KCNJ10: variants seen among roughly 807,000 people sequenced by gnomAD.
KCNJ10 encodes ATP-sensitive inward rectifier potassium channel 10.
KCNJ10 carries 9 observed loss-of-function variants against 22.2 expected under a neutral mutation model. The ratio of observed to expected loss-of-function variants is 0.40; its 90% confidence interval spans 0.24 to 0.71. KCNJ10 has a LOEUF of 0.71. KCNJ10 is among the 30% of genes least tolerant of loss of function. The pLI is 0.35. For synonymous variants in KCNJ10, 184 were observed against 187.3 expected (o/e 0.98, Z 0.15); for missense variants, 337 against 482.7 (o/e 0.70, Z 2.83).
chr1:160,052,753 C>T (rs1395709656), intron 1 of KCNJ10, among the ~76,000 whole-genome samples: 2 of 152,188 alleles, frequency 1.3e-5, no homozygotes, highest in African/African-American at 4.8e-5. Context: ...CTCAGTCAAG[C>T]CTCTCAGCCT....
In KCNJ10 at chr1:160,042,233, G is replaced by T. The variant is rs139069413; in HGVS notation, c.300C>A (p.Asp100Glu). 457 of 1,613,772 alleles carry T rather than the reference G, an allele frequency of 2.8e-4. No individual in the cohort carries two copies. The highest frequency in any genetic ancestry group is 3.6e-4 in the Non-Finnish European group (427 of 1,179,844). The stretch of plus-strand genomic sequence containing the variant: ...CACAGGGGGTGTGGTTGGCCGGGGG[G>T]TCCAGCTCCAGCAGGTCCCCATGTG... ...AVAHGDLLELDPPANHTPCVV... is the reference protein window; with the variant it reads ...AVAHGDLLELEPPANHTPCVV... The change falls in exon 2 of 2, where the codon GAC becomes GAA. Residue 100 changes from aspartate (D) to glutamate (E), a missense_variant. This residue lies in a region of KCNJ10 where 107 missense variants were observed against 135.2 expected (regional missense o/e 0.79). Coordinates refer to ENST00000644903, the MANE Select transcript of KCNJ10 (RefSeq NM_002241.5).
Position 160,041,113 on chromosome 1 carries a change from A to G in KCNJ10, c.*280T>C. The G allele has an allele frequency of 2.0e-6, 1 of 506,044 alleles. No individual in the cohort carries two copies. The highest frequency in any genetic ancestry group is 1.9e-5 in the African/African-American group (1 of 52,000). 31.3% of individuals were successfully genotyped at this position (506,044 alleles called of 1,614,324 possible). On this transcript the variant is annotated 3_prime_UTR_variant, in exon 2 of 2. Coordinates refer to ENST00000644903, the MANE Select transcript of KCNJ10 (RefSeq NM_002241.5). The surrounding 1 kb of genome is among the most constrained non-coding windows in gnomAD (Gnocchi z 4.4). ...TAATGTGAGTATCCAAGCATGGCTGAGGCCTTCTAAGCCACTTCAGCCTAA... is the reference window on the plus strand; with the variant it reads ...TAATGTGAGTATCCAAGCATGGCTGGGGCCTTCTAAGCCACTTCAGCCTAA...
intron 1 of KCNJ10, among the ~76,000 whole-genome samples, chr1:160,061,943 G>C (rs1262229457): frequency 6.6e-6 from 1 of 151,990 alleles, no homozygotes; most frequent in African/African-American, 2.4e-5. Context: ...TATGAGCCCC[G>C]GGGAGTCCTG....
chr1:160,069,598 T>C (rs974621657), intron 1 of KCNJ10, among the ~76,000 whole-genome samples: 18 of 152,140 alleles, frequency 1.2e-4, no homozygotes. Flanking sequence ...CACTATGTGA[T>C]TGTCACTGTA....
At chr1:160,053,604 G>A (rs1648954704) in intron 1 of KCNJ10, among the ~76,000 whole-genome samples, 1 of 50,414 alleles carries the variant, frequency 2.0e-5, no homozygotes, top group Non-Finnish European at 3.8e-5. Flanking sequence ...GGAAAAAGAG[G>A]GCAGTGTGTG....
chr1:160,049,118 G>A (rs1399620696), intron 1 of KCNJ10, among the ~76,000 whole-genome samples: 1 of 152,112 alleles, frequency 6.6e-6, no homozygotes, highest in African/African-American at 2.4e-5. Context: ...AGTAAACTGT[G>A]GAATTAGATT....
rs760787513 is a variant in KCNJ10 at position 160,041,366 on chromosome 1, G to T, written c.*27C>A. The T allele has an allele frequency of 5.5e-5, 88 of 1,605,822 alleles. No homozygotes were observed. The highest frequency in any genetic ancestry group is 7.3e-5 in the Non-Finnish European group (86 of 1,175,606). ...CATTGGAAGAGAGGAAAAGAGACCA[G>T]AGGAATGGGGGAGTGGGAACAGGTC... On this transcript the variant is annotated 3_prime_UTR_variant, in exon 2 of 2. Transcript: ENST00000644903. This position sits in a 1 kb window ranked among gnomAD's most constrained non-coding sequence, Gnocchi z 4.4.
At chr1:160,060,123 T>C (rs1370192637) in intron 1 of KCNJ10, among the ~76,000 whole-genome samples, 1 of 152,072 alleles carries the variant, frequency 6.6e-6, no homozygotes, top group Non-Finnish European at 1.5e-5. Context: ...TCACCATGAC[T>C]CTGGGAGGCA....
chr1:160,058,260 T>C (rs1649089454), intron 1 of KCNJ10, among the ~76,000 whole-genome samples: 1 of 152,180 alleles, frequency 6.6e-6, no homozygotes, highest in South Asian at 2.1e-4. Flanking sequence ...GTTTGGACAC[T>C]TGGGGGCACT....
chr1:160,062,227 G>A (rs1021494634), intron 1 of KCNJ10, among the ~76,000 whole-genome samples: 9 of 152,060 alleles, frequency 5.9e-5, no homozygotes, highest in East Asian at 3.9e-4. Flanking sequence ...CCACTCCCCC[G>A]TGCTCTCTGG....
At position 160,041,901 on chromosome 1, in the gene KCNJ10, C is replaced by A. The variant is rs1304000388; in HGVS notation, c.632G>T (p.Cys211Phe). Reference protein sequence around the residue: ...ANMRKSLLIGCQVTGKLLQTH... With the variant: ...ANMRKSLLIGFQVTGKLLQTH... ...CTGAAGCAGTTTTCCTGTCACCTGG[C>A]AGCCAATGAGGAGGCTTTTGCGCAT... The change falls in exon 2 of 2, where the codon TGC (cysteine) becomes TTC (phenylalanine). Residue 211 changes from cysteine to phenylalanine, a missense_variant. Coordinates refer to ENST00000644903, the MANE Select transcript of KCNJ10 (RefSeq NM_002241.5). The surrounding 1 kb of genome is among the most constrained non-coding windows in gnomAD (Gnocchi z 4.4). The A allele has an allele frequency of 1.2e-6, 2 of 1,614,168 alleles. No individual in the cohort carries two copies. The highest frequency in any genetic ancestry group is 1.7e-6 in the Non-Finnish European group (2 of 1,179,990).
chr1:160,049,795 A>T (rs1386084562), intron 1 of KCNJ10, among the ~76,000 whole-genome samples: 1 of 147,654 alleles, frequency 6.8e-6, no homozygotes, highest in Non-Finnish European at 1.5e-5. Context: ...AATTAAAAGT[A>T]GGAGGGGACT....
At chr1:160,049,722 T>TATATATATATATATATA (rs1553235666) in intron 1 of KCNJ10, among the ~76,000 whole-genome samples, 6 of 122,906 alleles carry the variant, frequency 4.9e-5, no homozygotes, top group East Asian at 2.5e-4. Context: ...TATATATATG[T>TATATATATATATATATA]TATCCTAAAG....
chr1:160,057,040 T>A (rs1158102475), intron 1 of KCNJ10, among the ~76,000 whole-genome samples: 1 of 152,240 alleles, frequency 6.6e-6, no homozygotes, highest in South Asian at 2.1e-4. Context: ...TGTCACTTAC[T>A]AGCTAGGGGA....
rs1648840291 is a variant in KCNJ10 at position 160,049,680 on chromosome 1, TA to T, written c.1-7149del. On this transcript the variant is annotated intron_variant, in intron 1 of 1. Coordinates refer to ENST00000644903, the MANE Select transcript of KCNJ10 (RefSeq NM_002241.5). ...GGATCCAGCATTTTATTTATTTATA[TA>T]TATATATATATATATATATATATAT... 8.0e-3 allele frequency among the ~76,000 whole-genome samples: 570 copies of T among 71,260 alleles called. 3 individuals carry two copies. The highest frequency in any genetic ancestry group is 0.011 in the African/African-American group (185 of 17,506). The allele number at this position is 71,260 out of a possible 152,430, so 46.7% of individuals were successfully genotyped here. A position where few individuals can be genotyped will look rare whatever the true frequency, so the allele number is the denominator to read the frequency against.
Position 160,041,057 on chromosome 1 carries a change from G to T in KCNJ10, c.*336C>A. 2.6e-6 allele frequency: 1 copy of T among 378,958 alleles called. No homozygotes were observed. The highest frequency in any genetic ancestry group is 4.9e-6 in the Non-Finnish European group (1 of 203,506). The allele number at this position is 378,958 out of a possible 1,614,324, so 23.5% of individuals were successfully genotyped here. On this transcript the variant is annotated 3_prime_UTR_variant, in exon 2 of 2. Transcript: ENST00000644903. This position sits in a 1 kb window ranked among gnomAD's most constrained non-coding sequence, Gnocchi z 4.4. ...TCATGGTGGTGGTGGGAGGTAGGGG[G>T]CAGTCTATCCTTCCAACCACATGGT...
intron 1 of KCNJ10, among the ~76,000 whole-genome samples, chr1:160,065,576 C>T (rs574429519): frequency 6.6e-6 from 1 of 151,956 alleles, no homozygotes; most frequent in East Asian, 1.9e-4. Flanking sequence ...TAGAGATCTG[C>T]GGGAGGGGTG....
At chr1:160,069,762 T>C (rs970625674) in intron 1 of KCNJ10, among the ~76,000 whole-genome samples, 3 of 152,156 alleles carry the variant, frequency 2.0e-5, no homozygotes, top group Non-Finnish European at 2.9e-5. Context: ...GTCTGCCCAG[T>C]GGGAGGGGGC....
chr1:160,041,485 C>T lies in KCNJ10; in HGVS notation c.1048G>A (p.Gly350Arg), dbSNP rs770453248. 1.6e-5 allele frequency: 26 copies of T among 1,614,138 alleles called. 1 individual carries two copies. Among genetic ancestry groups the T allele is most frequent in the Middle Eastern group, 3.3e-4 (2 of 6,060 alleles). The change falls in exon 2 of 2, where the codon GGA becomes AGA. Residue 350 changes from glycine (G) to arginine (R), a missense_variant. Physicochemically the swap from Gly to Arg is moderately radical, Grantham distance 125. Transcript: ENST00000644903. This position sits in a 1 kb window ranked among gnomAD's most constrained non-coding sequence, Gnocchi z 4.4. ...SGLRDSTVRY[G>R]DPEKLKLEES... Reference sequence around the variant, plus strand: ...TCCAACTTGAGCTTTTCAGGGTCTCCGTAGCGTACAGTGCTGTCACGGAGG... The same window carrying T: ...TCCAACTTGAGCTTTTCAGGGTCTCTGTAGCGTACAGTGCTGTCACGGAGG...
Sources: allele counts gnomAD v4.1 joint callset (sites outside exome capture counted in the v4.1 genomes callset), GRCh38; gene constraint gnomAD v4.1.1; regional missense constraint gnomAD v4.1.1; non-coding constraint Gnocchi (gnomAD v3.1); transcripts MANE v1.5; gene names NCBI Gene and HGNC (gene_info 2026-07-23, HGNC 2026-07-21).